The following COL14A1 variants were observed in gnomAD, a reference collection of about 807,000 sequenced individuals.
COL14A1 encodes collagen alpha-1(XIV) chain.
COL14A1 carries 136 observed loss-of-function variants against 230.3 expected under a neutral mutation model. The ratio of observed to expected loss-of-function variants is 0.59; its 90% CI spans 0.51 to 0.68. The LOEUF (loss-of-function observed/expected upper bound fraction) is 0.68. Among genes scored for constraint, COL14A1 ranks in the 30% least tolerant of loss-of-function variants. COL14A1 has a pLI of 0.00. For missense variants in COL14A1, 1,976 were observed against 2,215.8 expected, an observed-to-expected ratio of 0.89 and a Z score of 2.17; for synonymous variants, 792 against 784.1, an observed-to-expected ratio of 1.01 and a Z score of -0.17.
chr8:120,214,451 T>A (rs1817692903), intron 13 of COL14A1, among the ~76,000 whole-genome samples: 1 of 152,182 alleles, frequency 6.6e-6, no homozygotes, highest in Admixed American at 6.5e-5. Context: ...CTGTCAAAAA[T>A]TATGGACAAT....
Position 120,361,278 on chromosome 8 carries a change from C to T in COL14A1, c.5078-5893C>T, listed in dbSNP as rs138311360. On this transcript the variant is annotated intron_variant, in intron 45 of 47. Transcript: ENST00000297848. Reference sequence around the variant, plus strand: ...GAATTATAAAGGCACAGTAGATGGCCAGTTGTTATATGAAAAAGACAATAG... The same window carrying T: ...GAATTATAAAGGCACAGTAGATGGCTAGTTGTTATATGAAAAAGACAATAG... Among the ~76,000 whole-genome samples, 608 of 152,186 alleles carry T rather than the reference C, an allele frequency of 4.0e-3. 5 individuals carry two copies. The highest frequency in any genetic ancestry group is 0.014 in the African/African-American group (571 of 41,530).
intron 1 of COL14A1, among the ~76,000 whole-genome samples, chr8:120,144,782 T>C (rs28735809): frequency 8.1e-4 from 124 of 152,256 alleles, no homozygotes; most frequent in African/African-American, 2.9e-3. Context: ...CAATATCTTT[T>C]CTATATTAAA....
At chr8:120,268,818 T>A (rs1340363051) in intron 25 of COL14A1, among the ~76,000 whole-genome samples, 2 of 151,810 alleles carry the variant, frequency 1.3e-5, no homozygotes, top group African/African-American at 4.8e-5. Flanking sequence ...GTGTATTTTT[T>A]AATAGAATTT....
intron 5 of COL14A1, among the ~76,000 whole-genome samples, chr8:120,188,634 A>G (rs1816718539): frequency 6.6e-6 from 1 of 152,222 alleles, no homozygotes; most frequent in South Asian, 2.1e-4. Context: ...TAAAAACACA[A>G]CCTGTATTTT....
intron 19 of COL14A1, among the ~76,000 whole-genome samples, chr8:120,236,298 C>G (rs985022536): frequency 1.3e-5 from 2 of 152,108 alleles, no homozygotes; most frequent in Non-Finnish European, 2.9e-5. Context: ...TCTGGGTGCT[C>G]CTGTGTTGGG....
chr8:120,162,885 A>T (rs961403018), intron 4 of COL14A1, among the ~76,000 whole-genome samples: 9 of 152,164 alleles, frequency 5.9e-5, no homozygotes, highest in Non-Finnish European at 1.3e-4. Context: ...CCCTTCTGGT[A>T]CTATAACACC....
At chr8:120,369,244 TA>T in intron 46 of COL14A1, 85 bp from the exon 47 acceptor site, 1 of 1,385,990 alleles carries the variant, frequency 7.2e-7, no homozygotes, top group Non-Finnish European at 9.5e-7. Flanking sequence ...TTGCTTCTTC[TA>T]AGAGTTAGTT....
chr8:120,203,885 A>G lies in COL14A1; in HGVS notation c.1039+15A>G. The stretch of plus-strand genomic sequence containing the variant: ...AGAAATTAAAGGTAAAATGAGTGAC[A>G]GAGCAGTCCTGTGGATGTCAGTATT... On this transcript the variant is annotated intron_variant, in intron 9 of 47. Transcript: ENST00000297848. 1 of 1,611,968 alleles carries G rather than the reference A, an allele frequency of 6.2e-7. No homozygotes were observed. The highest frequency in any genetic ancestry group is 8.5e-7 in the Non-Finnish European group (1 of 1,178,486).
At chr8:120,296,049 C>T (rs1820517983) in intron 34 of COL14A1, among the ~76,000 whole-genome samples, 1 of 151,774 alleles carries the variant, frequency 6.6e-6, no homozygotes, top group African/African-American at 2.4e-5. Flanking sequence ...GCAGTTTTGA[C>T]ATTACTTTTG....
intron 38 of COL14A1, among the ~76,000 whole-genome samples, chr8:120,315,076 A>G (rs1456949487): frequency 6.6e-6 from 1 of 152,208 alleles, no homozygotes; most frequent in Non-Finnish European, 1.5e-5. Flanking sequence ...GGAAAGTGAA[A>G]TATATTCTGT....
At chr8:120,302,399 T>C (rs2130036111) in intron 36 of COL14A1, among the ~76,000 whole-genome samples, 1 of 152,316 alleles carries the variant, frequency 6.6e-6, no homozygotes, top group Non-Finnish European at 1.5e-5. Flanking sequence ...CTTTAGTCCA[T>C]CTTGAGTTAG....
In COL14A1 at chr8:120,162,586, C is replaced by G. The variant is rs1396224961; in HGVS notation, c.349+17C>G. ...AATTCAGAAGTACGTATTTACAGTTCTCAAAGCACCTCCGCAGGACTCTGT... is the reference window on the plus strand; with the variant it reads ...AATTCAGAAGTACGTATTTACAGTTGTCAAAGCACCTCCGCAGGACTCTGT... On this transcript the variant is annotated intron_variant, in intron 4 of 47. Transcript: ENST00000297848. 4.4e-6 allele frequency: 7 copies of G among 1,589,622 alleles called. No individual in the cohort carries two copies. Among genetic ancestry groups the G allele is most frequent in the Non-Finnish European group, 5.1e-6 (6 of 1,169,482 alleles).
chr8:120,303,659 T>G (rs1820781110), intron 36 of COL14A1, among the ~76,000 whole-genome samples: 1 of 152,224 alleles, frequency 6.6e-6, no homozygotes, highest in South Asian at 2.1e-4. Flanking sequence ...TGAAGAATTT[T>G]GAATTGATGT....
At chr8:120,204,909 A>G (rs1195276446) in intron 9 of COL14A1, among the ~76,000 whole-genome samples, 3 of 152,096 alleles carry the variant, frequency 2.0e-5, no homozygotes, top group Non-Finnish European at 2.9e-5. Flanking sequence ...TATCATAGAT[A>G]GGATTGTAGG....
rs921487610 is a variant in COL14A1, at chr8:120,360,163, G to A, written c.5078-7008G>A. 2.0e-5 allele frequency among the ~76,000 whole-genome samples: 3 copies of A among 152,112 alleles called. No homozygotes were observed. The South Asian group carries it at 6.2e-4, about 32-fold the overall frequency. ...TGGCTTTTCTGTGGAAATAGCACAG[G>A]GTTTACCAGTGGAGCTAGGCTCTAC... On this transcript the variant is annotated intron_variant, in intron 45 of 47. Coordinates refer to ENST00000297848, the MANE Select transcript of COL14A1 (RefSeq NM_021110.4).
chr8:120,162,430 A>G lies in COL14A1; in HGVS notation c.210A>G (p.Gly70=), dbSNP rs1433661218. 2 of 1,596,726 alleles carry G rather than the reference A, an allele frequency of 1.3e-6. No homozygotes were observed. ...TATTTTTCTCTTTTATTATAGGTGGAAAAACTAACCAGCTGAATCTGCAGA... is the reference window on the plus strand; with the variant it reads ...TATTTTTCTCTTTTATTATAGGTGGGAAAACTAACCAGCTGAATCTGCAGA... ...YKLLVTPTSG[G]KTNQLNLQNT... Residue 70 remains glycine (G), a synonymous_variant, in exon 4 of 48, where the codon GGA becomes GGG. Transcript: ENST00000297848.
chr8:120,250,501 C>A, intron 21 of COL14A1, 116 bp from the exon 22 acceptor site: 1 of 1,100,140 alleles, frequency 9.1e-7, no homozygotes, highest in Non-Finnish European at 1.3e-6. Flanking sequence ...CTGCTGTCTG[C>A]TTGCTGTATA....
At chr8:120,173,197 A>G (rs1296920345) in intron 5 of COL14A1, among the ~76,000 whole-genome samples, 2 of 151,932 alleles carry the variant, frequency 1.3e-5, no homozygotes, top group East Asian at 1.9e-4. Flanking sequence ...GGACTGGTGG[A>G]TTCTTAGTTT....
chr8:120,216,366 C>T lies in COL14A1; in HGVS notation c.1613C>T (p.Pro538Leu). 6.2e-7 allele frequency: 1 copy of T among 1,610,604 alleles called. No homozygotes were observed. Among genetic ancestry groups the T allele is most frequent in the Non-Finnish European group, 8.5e-7 (1 of 1,179,118 alleles). Reference sequence around the variant, plus strand: ...TACTGCCAAGTGGCTTTAAGTCCACCAAGAAACCTGAGAATCTCCAATGTT... The same window carrying T: ...TACTGCCAAGTGGCTTTAAGTCCACTAAGAAACCTGAGAATCTCCAATGTT... ...GQETTLALSP[P>L]RNLRISNVGS... Residue 538 changes from proline (P) to leucine (L), a missense_variant, in exon 14 of 48, where the codon CCA (proline) becomes CTA (leucine). Pro to Leu is a moderately conservative substitution (Grantham distance 98). Transcript: ENST00000297848.
Sources: gnomAD v4.1 joint callset for allele counts (sites outside exome capture counted in the v4.1 genomes callset) on GRCh38, gnomAD v4.1.1 for gene constraint, MANE v1.5 for transcripts, NCBI Gene and HGNC (gene_info 2026-07-23, HGNC 2026-07-21) for gene names.